CS: variants seen among roughly 807,000 people sequenced by gnomAD.
The protein encoded by CS is citrate synthase.
A neutral mutation model predicts 61.4 loss-of-function variants in CS; 13 were observed. The observed-to-expected ratio is 0.21, with a 90% CI of 0.14 to 0.34. The LOEUF (loss-of-function observed/expected upper bound fraction) is 0.34, where lower values mean the gene tolerates loss of function less well. Ranked by LOEUF, CS falls within the 10% of genes least tolerant of loss-of-function variation. The pLI is 1.00. For synonymous variants in CS, 159 were observed against 215.2 expected (o/e 0.74, Z 2.29); for missense variants, 278 against 573.4 (o/e 0.48, Z 5.26).
chr12:56,294,853 C>A (rs1254851691), intron 1 of CS, among the ~76,000 whole-genome samples: 1 of 152,176 alleles, frequency 6.6e-6, no homozygotes, highest in African/African-American at 2.4e-5. Flanking sequence ...ACAGCAACCT[C>A]TGCCACCCGG....
intron 1 of CS, among the ~76,000 whole-genome samples, chr12:56,289,491 G>A (rs541839405): frequency 5.3e-5 from 8 of 151,746 alleles, no homozygotes; most frequent in East Asian, 3.9e-4. Context: ...TACCCAGGCC[G>A]GAGTGCAGTG....
At chr12:56,284,487 C>CTGCA (rs1872874821) in intron 3 of CS, among the ~76,000 whole-genome samples, 1 of 152,010 alleles carries the variant, frequency 6.6e-6, no homozygotes, top group African/African-American at 2.4e-5. Context: ...TCACGGCTTA[C>CTGCA]TGCAGCCTTG....
chr12:56,297,844 T>C (rs1040498979), intron 1 of CS, among the ~76,000 whole-genome samples: 3 of 152,182 alleles, frequency 2.0e-5, no homozygotes, highest in African/African-American at 7.2e-5. Flanking sequence ...TTACCAATTA[T>C]GACTAGCATT....
chr12:56,275,281 C>T, intron 7 of CS, 150 bp from the exon 8 acceptor site: 2 of 936,244 alleles, frequency 2.1e-6, no homozygotes, highest in Non-Finnish European at 3.2e-6. Flanking sequence ...TTGTAAAAGA[C>T]ATCCTAATCT....
At chr12:56,289,133 G>A (rs897804268) in intron 1 of CS, among the ~76,000 whole-genome samples, 2 of 152,122 alleles carry the variant, frequency 1.3e-5, no homozygotes, top group African/African-American at 4.8e-5. Flanking sequence ...GATCACTTGA[G>A]CAAGAAAATA....
rs556790835 is a variant in CS at position 56,273,439 on chromosome 12, C to T, written c.1230+148G>A. 1.7e-5 allele frequency: 17 copies of T among 985,004 alleles called. No individual in the cohort carries two copies. In the African/African-American group the frequency reaches 2.5e-4, roughly 14 times the overall value. The allele number at this position is 985,004 out of a possible 1,614,324, so 61.0% of individuals were successfully genotyped here. On this transcript the variant is annotated intron_variant, in intron 10 of 10. Transcript: ENST00000351328. ...TGGGATTCTGAAAACAGAGCAACCCCAACCCCCAACCCTCTCATAGTCAAC... is the reference window on the plus strand; with the variant it reads ...TGGGATTCTGAAAACAGAGCAACCCTAACCCCCAACCCTCTCATAGTCAAC...
intron 3 of CS, among the ~76,000 whole-genome samples, chr12:56,284,914 A>G (rs1339367158): frequency 7.4e-6 from 1 of 134,724 alleles, no homozygotes. Context: ...AAAAAAAAAA[A>G]CAGGGTTTTG....
chr12:56,286,409 C>A (rs1872940109), intron 2 of CS, 186 bp downstream of exon 2: 2 of 571,346 alleles, frequency 3.5e-6, no homozygotes, highest in South Asian at 2.4e-5. Context: ...TCTCACTATA[C>A]CACTGAGTAA....
intron 9 of CS, chr12:56,274,170 A>C: frequency 4.1e-6 from 1 of 243,688 alleles, no homozygotes; most frequent in Non-Finnish European, 8.1e-6. Flanking sequence ...AAAAATACAA[A>C]ATTAGCCGGG....
chr12:56,274,640 T>G, intron 9 of CS, 137 bp downstream of exon 9: 1 of 688,488 alleles, frequency 1.5e-6, no homozygotes, highest in Non-Finnish European at 2.4e-6. Flanking sequence ...GAAATTCTTT[T>G]CTAAATTCTT....
intron 6 of CS, among the ~76,000 whole-genome samples, chr12:56,280,288 G>A (rs1330654302): frequency 6.0e-5 from 9 of 151,228 alleles, no homozygotes; most frequent in East Asian, 2.0e-4. Flanking sequence ...GGTGGTGTGC[G>A]CCTGTAATCC....
chr12:56,297,837 C>T (rs1424299313), intron 1 of CS, among the ~76,000 whole-genome samples: 1 of 152,144 alleles, frequency 6.6e-6, no homozygotes, highest in Admixed American at 6.6e-5. Context: ...AGTAAAATTA[C>T]CAATTATGAC....
At chr12:56,278,845 C>T (rs1872696219) in intron 6 of CS, among the ~76,000 whole-genome samples, 1 of 152,096 alleles carries the variant, frequency 6.6e-6, no homozygotes. Context: ...GCTATCTTGG[C>T]TCACTGCAAC....
chr12:56,290,288 T>C (rs930082198), intron 1 of CS, among the ~76,000 whole-genome samples: 11 of 152,082 alleles, frequency 7.2e-5, no homozygotes, highest in Admixed American at 2.6e-4. Flanking sequence ...CTTAGCTCAT[T>C]GCAACCTCCC....
At chr12:56,300,062 G>A (rs1873437322) in intron 1 of CS, 98 bp downstream of exon 1, 3 of 1,216,458 alleles carry the variant, frequency 2.5e-6, no homozygotes, top group Non-Finnish European at 3.4e-6. Flanking sequence ...AGGCGCGCAG[G>A]GTGCGCACGG....
At chr12:56,283,032 C>G (rs768328011) in intron 4 of CS, 41 bp from the exon 5 acceptor site, 1 of 1,610,862 alleles carries the variant, frequency 6.2e-7, no homozygotes, top group Non-Finnish European at 8.5e-7. Context: ...AAGTTTATAG[C>G]CTAGAAGTCA....
Position 56,293,188 on chromosome 12 carries a change from T to C in CS, c.43-6543A>G, listed in dbSNP as rs545319305. 3.0e-4 allele frequency among the ~76,000 whole-genome samples: 46 copies of C among 152,326 alleles called. 1 individual carries two copies. Among genetic ancestry groups the C allele is most frequent in the South Asian group, 2.3e-3 (11 of 4,826 alleles). ...ACTCCTTAGCCTATTACCATCACTGTTCCACATCTAGCACCCTCACCCTAC... is the reference window on the plus strand; with the variant it reads ...ACTCCTTAGCCTATTACCATCACTGCTCCACATCTAGCACCCTCACCCTAC... On this transcript the variant is annotated intron_variant, in intron 1 of 10. Coordinates refer to ENST00000351328, the MANE Select transcript of CS (RefSeq NM_004077.3).
rs559673010 is a variant in CS, at chr12:56,272,833, T to C, written c.*251A>G. ...CCAAACCTACTCATACCACATGCAT[T>C]AGTCCTGGTCATCCTCCAGGACCAT... On this transcript the variant is annotated 3_prime_UTR_variant, in exon 11 of 11. Transcript: ENST00000351328. 8.9e-4 allele frequency: 336 copies of C among 378,730 alleles called. 2 individuals are homozygous for C. In the South Asian group the frequency reaches 9.8e-3, roughly 11 times the overall value. The allele number at this position is 378,730 out of a possible 1,614,324, so 23.5% of individuals were successfully genotyped here.
In CS at chr12:56,283,902, C is replaced by T. The variant is rs1364038962; in HGVS notation, c.202-45G>A. 7 of 1,429,002 alleles carry T rather than the reference C, an allele frequency of 4.9e-6. No homozygotes were observed. The South Asian group carries it at 7.1e-5, about 14-fold the overall frequency. The allele number at this position is 1,429,002 out of a possible 1,614,324, so 88.5% of individuals were successfully genotyped here. ...AAGGAAAAAAAAAAGAGGCTGTGGC[C>T]AGTAATCAGAATGATTCAGACTAGA... On this transcript the variant is annotated intron_variant, in intron 3 of 10. Coordinates refer to ENST00000351328, the MANE Select transcript of CS (RefSeq NM_004077.3).
Sources: gnomAD v4.1 joint callset for allele counts (sites outside exome capture counted in the v4.1 genomes callset) on GRCh38, gnomAD v4.1.1 for gene constraint, MANE v1.5 for transcripts, NCBI Gene and HGNC (gene_info 2026-07-23, HGNC 2026-07-21) for gene names.